SYCP2: variants seen among roughly 807,000 people sequenced by gnomAD.
The protein encoded by SYCP2 is synaptonemal complex lateral element protein.
Under a neutral mutation model 211.3 loss-of-function variants are expected in SYCP2, and 55 were observed. That is an observed-to-expected ratio of 0.26 (90% CI 0.21 to 0.33). The LOEUF (loss-of-function observed/expected upper bound fraction) is 0.33, where lower values mean the gene tolerates loss of function less well. Among genes scored for constraint, SYCP2 ranks in the 10% least tolerant of loss-of-function variants. The pLI is 1.00. For synonymous variants in SYCP2, 570 were observed against 555.2 expected (o/e 1.03, Z -0.37); for missense variants, 1,731 against 1,752.0 (o/e 0.99, Z 0.21).
chr20:59,925,997 C>A (rs1421828022), intron 2 of SYCP2, among the ~76,000 whole-genome samples: 10 of 151,964 alleles, frequency 6.6e-5, no homozygotes, highest in Admixed American at 6.6e-4. Flanking sequence ...CTTCCTAACC[C>A]CACCTCCTAG....
Position 59,924,336 on chromosome 20 carries a change from G to A in SYCP2, c.-46-1877C>T, listed in dbSNP as rs141725732. Among the ~76,000 whole-genome samples, 84 of 151,900 alleles carry A rather than the reference G, an allele frequency of 5.5e-4. 1 individual carries two copies. Among genetic ancestry groups the A allele is most frequent in the Non-Finnish European group, 1.0e-3 (70 of 67,890 alleles). On this transcript the variant is annotated intron_variant, in intron 2 of 44. Transcript: ENST00000357552. The stretch of plus-strand genomic sequence containing the variant: ...CCTAACTACTTCTTTGGGTCTTCAT[G>A]TTCTTATGAGGGATCCTGTGTCATG...
rs1303648978 is a variant in SYCP2 at position 59,914,129 on chromosome 20, T to C, written c.757A>G (p.Lys253Glu). ...CTTACTGTTTCAAATTCAGAGTCCT[T>C]AATTCTTTTAAATGCCTTAGCAATA... ...DFIAKAFKRI[K>E]DSEFETDCRI... The change falls in exon 11 of 45, where the codon AAG becomes GAG. Residue 253 changes from lysine to glutamate, a missense_variant. Physicochemically the swap from Lys to Glu is moderately conservative, Grantham distance 56. Coordinates refer to ENST00000357552, the MANE Select transcript of SYCP2 (RefSeq NM_014258.4). 2 of 1,602,638 alleles carry C rather than the reference T, an allele frequency of 1.2e-6. No homozygotes were observed. Among genetic ancestry groups the C allele is most frequent in the Non-Finnish European group, 1.7e-6 (2 of 1,173,400 alleles).
At chr20:59,882,443 C>G (rs148602146) in intron 26 of SYCP2, among the ~76,000 whole-genome samples, 65 of 152,204 alleles carry the variant, frequency 4.3e-4, no homozygotes, top group African/African-American at 1.5e-3. Context: ...CAGCAAGTTA[C>G]TGAGTATATA....
chr20:59,864,377 C>A lies in SYCP2; in HGVS notation c.4527G>T (p.Glu1509Asp). 1.2e-6 allele frequency: 2 copies of A among 1,600,140 alleles called. No homozygotes were observed. The highest frequency in any genetic ancestry group is 8.5e-7 in the Non-Finnish European group (1 of 1,173,316). Reference sequence around the variant, plus strand: ...TCAGTTCTCTGCGTACATTAAGAAGCTCCTCTTCTAGCTATAGCCAAGAAA... The same window carrying A: ...TCAGTTCTCTGCGTACATTAAGAAGATCCTCTTCTAGCTATAGCCAAGAAA... The part of the protein sequence containing the change: ...DRLLKDMLEE[E>D]LLNVRRELMS... The change falls in exon 45 of 45, where the codon GAG becomes GAT. Residue 1509 changes from glutamate (E) to aspartate (D), a missense_variant. By Grantham distance (45) the Glu-to-Asp change is conservative. Around this residue, in one of 3 missense-constraint regions of SYCP2, gnomAD observed 1,387 missense variants for 1,351.3 expected, o/e 1.03. Transcript: ENST00000357552.
At chr20:59,914,559 C>T (rs17726835) in intron 10 of SYCP2, among the ~76,000 whole-genome samples, 12,748 of 152,000 alleles carry the variant, frequency 0.084, 748 homozygotes, top group Middle Eastern at 0.2. Flanking sequence ...GTAACCCACA[C>T]AGTTGTCTGT....
At chr20:59,874,212 C>A in intron 34 of SYCP2, 151 bp from the exon 35 acceptor site, 2 of 490,090 alleles carry the variant, frequency 4.1e-6, no homozygotes, top group Non-Finnish European at 7.0e-6. Flanking sequence ...ATATTAAGAC[C>A]AAGTTATATT....
intron 24 of SYCP2, among the ~76,000 whole-genome samples, chr20:59,889,894 A>G (rs2059871022): frequency 6.6e-6 from 1 of 151,474 alleles, no homozygotes; most frequent in Non-Finnish European, 1.5e-5. Flanking sequence ...GATCATTAAA[A>G]AGTAAGGAAA....
In SYCP2 at chr20:59,867,802, G is replaced by A. The variant is rs1331302407; in HGVS notation, c.4034C>T (p.Pro1345Leu). Residue 1345 changes from proline to leucine, a missense_variant, in exon 39 of 45, where the codon CCT becomes CTT. Pro to Leu is a moderately conservative substitution (Grantham distance 98, BLOSUM62 -3). Transcript: ENST00000357552. The stretch of plus-strand genomic sequence containing the variant: ...AAATTCATTTTGCCAGGTCTCCCAA[G>A]GAATAGAAAAGTCATTTGTTGATAA... ...SSLSTNDFSI[P>L]WETWQNEFAG... is the part of the protein sequence containing the mutation. The A allele has an allele frequency of 3.7e-6, 6 of 1,608,988 alleles. No homozygotes were observed. Among genetic ancestry groups the A allele is most frequent in the Non-Finnish European group, 4.2e-6 (5 of 1,176,666 alleles).
intron 12 of SYCP2, among the ~76,000 whole-genome samples, chr20:59,913,440 GC>G (rs2060369965): frequency 6.6e-6 from 1 of 152,018 alleles, no homozygotes; most frequent in South Asian, 2.1e-4. Flanking sequence ...GAGGTGCTAG[GC>G]ATTGCAAATT....
chr20:59,882,263 G>GTCATC, intron 26 of SYCP2, 98 bp from the exon 27 acceptor site: 1 of 871,772 alleles, frequency 1.1e-6, no homozygotes, highest in East Asian at 2.6e-5. Flanking sequence ...AAAATGAGAT[G>GTCATC]TCATCTCACC....
chr20:59,910,905 G>T (rs939744259), intron 14 of SYCP2, among the ~76,000 whole-genome samples: 1 of 151,856 alleles, frequency 6.6e-6, no homozygotes, highest in Non-Finnish European at 1.5e-5. Flanking sequence ...CTAGTCATTG[G>T]AACTCAATTT....
At chr20:59,888,075 A>C (rs2059831128) in intron 24 of SYCP2, among the ~76,000 whole-genome samples, 2 of 152,072 alleles carry the variant, frequency 1.3e-5, no homozygotes, top group Admixed American at 1.3e-4. Context: ...GAACTCTATC[A>C]AACATTTAAG....
chr20:59,890,399 G>C (rs536886617), intron 24 of SYCP2, among the ~76,000 whole-genome samples: 15 of 152,064 alleles, frequency 9.9e-5, no homozygotes, highest in African/African-American at 2.9e-4. Flanking sequence ...GGCCTGTTGG[G>C]GGGTGGAGGC....
chr20:59,921,560 C>T, intron 3 of SYCP2, 107 bp from the exon 4 acceptor site: 1 of 694,408 alleles, frequency 1.4e-6, no homozygotes, highest in Non-Finnish European at 2.1e-6. Context: ...CTCAAATGAA[C>T]TCATAAAATA....
In SYCP2 at chr20:59,881,585, A is replaced by G. The variant is rs192340467; in HGVS notation, c.2659-93T>C. On this transcript the variant is annotated intron_variant, in intron 28 of 44. Transcript: ENST00000357552. ...CATAAAATCTAGTTTTGCTTCACAA[A>G]ATCATAAGATTTGACATAAAATTAA... The G allele has an allele frequency of 9.5e-5, 60 of 631,498 alleles. 1 individual carries two copies. The Middle Eastern group carries it at 1.3e-3, about 14-fold the overall frequency. The allele number at this position is 631,498 out of a possible 1,614,324, so 39.1% of individuals were successfully genotyped here.
At chr20:59,892,451 T>C (rs373799935) in intron 23 of SYCP2, 25 bp from the exon 24 acceptor site, 2 of 1,463,868 alleles carry the variant, frequency 1.4e-6, no homozygotes, top group African/African-American at 2.9e-5. Flanking sequence ...GAGAAATTAA[T>C]TCTTTTTAAA....
In SYCP2 at chr20:59,907,420, T is replaced by C. The variant is rs758396389; in HGVS notation, c.977A>G (p.His326Arg). The C allele has an allele frequency of 2.5e-5, 40 of 1,610,898 alleles. No homozygotes were observed. In the South Asian group the frequency reaches 3.5e-4, roughly 14 times the overall value. The change falls in exon 15 of 45, where the codon CAT becomes CGT. Residue 326 changes from histidine (H) to arginine (R), a missense_variant. Around this residue, in one of 3 missense-constraint regions of SYCP2, gnomAD observed 335 missense variants for 378.8 expected, o/e 0.88. Transcript: ENST00000357552. ...SFYIAGDNDD[H>R]QWEAVTVPEE... ...TGGCACAGTAACTGCTTCCCATTGA[T>C]GATCCTTAAATTTAAAAGCAGGTTT...
chr20:59,891,991 A>ATTTTTTTT lies in SYCP2; in HGVS notation c.2355_2362dup (p.Met788LysfsTer4). ...AATCAAAACACATTGAAAGCTCACCATTTTTTTTTGTTTCGAATCCCAGGA... is the reference window on the plus strand; with the variant it reads ...AATCAAAACACATTGAAAGCTCACCATTTTTTTTTTTTTTTTTGTTTCGAATCCCAGGA... On this transcript the variant is annotated frameshift_variant and splice_region_variant, in exon 24 of 45. Coordinates refer to ENST00000357552, the MANE Select transcript of SYCP2 (RefSeq NM_014258.4). LOFTEE classifies it high-confidence loss of function. 4 of 1,550,118 alleles carry ATTTTTTTT rather than the reference A, an allele frequency of 2.6e-6. No homozygotes were observed. Among genetic ancestry groups the ATTTTTTTT allele is most frequent in the Admixed American group, 2.0e-5 (1 of 51,268 alleles).
intron 12 of SYCP2, among the ~76,000 whole-genome samples, chr20:59,913,418 T>C (rs182899605): frequency 6.6e-6 from 1 of 152,294 alleles, no homozygotes; most frequent in Non-Finnish European, 1.5e-5. Context: ...AATAATTATG[T>C]TGAACATCTA....
Sources: gnomAD v4.1 joint callset for allele counts (sites outside exome capture counted in the v4.1 genomes callset) on GRCh38, gnomAD v4.1.1 for gene constraint, gnomAD v4.1.1 regional missense constraint, MANE v1.5 for transcripts, NCBI Gene and HGNC (gene_info 2026-07-23, HGNC 2026-07-21) for gene names.